PTPRD: variants seen among roughly 807,000 people sequenced by gnomAD.
The protein encoded by PTPRD is protein tyrosine phosphatase receptor type D.
PTPRD carries 34 observed loss-of-function variants against 214.5 expected under a neutral mutation model. The ratio of observed to expected loss-of-function variants is 0.16; its 90% CI spans 0.12 to 0.21. PTPRD has a LOEUF of 0.21. PTPRD is among the 10% of genes least tolerant of loss of function. PTPRD has a pLI of 1.00. For synonymous variants in PTPRD, 1,128 were observed against 845.7 expected (o/e 1.33, Z -5.79); for missense variants, 2,545 against 2,398.7 (o/e 1.06, Z -1.27).
intron 7 of PTPRD, among the ~76,000 whole-genome samples, chr9:9,620,395 A>T (rs554247819): frequency 6.6e-6 from 1 of 152,288 alleles, no homozygotes; most frequent in Non-Finnish European, 1.5e-5. Flanking sequence ...AACCATATTT[A>T]TCCTCAGCTG....
intron 2 of PTPRD, among the ~76,000 whole-genome samples, chr9:10,440,975 T>A (rs1005457967): frequency 2.6e-5 from 4 of 151,732 alleles, no homozygotes; most frequent in Non-Finnish European, 4.4e-5. Context: ...ATCAAAATCA[T>A]TTTTTACTCT....
intron 3 of PTPRD, among the ~76,000 whole-genome samples, chr9:10,160,044 G>A (rs1403526664): frequency 2.0e-5 from 3 of 151,960 alleles, no homozygotes; most frequent in Non-Finnish European, 2.9e-5. Context: ...GTCATAGAGT[G>A]GCTGAATGGA....
intron 9 of PTPRD, among the ~76,000 whole-genome samples, chr9:9,274,363 C>T (rs1195941960): frequency 2.0e-5 from 3 of 151,384 alleles, no homozygotes; most frequent in African/African-American, 7.3e-5. Flanking sequence ...TTTCTCCACC[C>T]ACAACTTTAA....
intron 14 of PTPRD, among the ~76,000 whole-genome samples, chr9:8,546,417 C>T (rs543617145): frequency 2.6e-5 from 4 of 152,300 alleles, no homozygotes; most frequent in African/African-American, 9.6e-5. Context: ...TACTATTTGA[C>T]TATATCCTCG....
chr9:10,124,340 T>C (rs958308881), intron 3 of PTPRD, among the ~76,000 whole-genome samples: 7 of 152,236 alleles, frequency 4.6e-5, no homozygotes, highest in African/African-American at 1.7e-4. Context: ...ATTAATACTT[T>C]GTGCCACCAA....
chr9:9,560,873 C>A (rs2082745684), intron 8 of PTPRD, among the ~76,000 whole-genome samples: 1 of 152,154 alleles, frequency 6.6e-6, no homozygotes. Flanking sequence ...GCAGCAGGTT[C>A]TCCCTTGCCT....
chr9:8,374,604 G>T (rs1001245364), intron 39 of PTPRD, among the ~76,000 whole-genome samples: 1 of 151,940 alleles, frequency 6.6e-6, no homozygotes, highest in Non-Finnish European at 1.5e-5. Flanking sequence ...AGTACTTGAA[G>T]CAAACTTTGT....
intron 3 of PTPRD, among the ~76,000 whole-genome samples, chr9:10,061,411 A>C (rs540609742): frequency 9.2e-5 from 14 of 152,102 alleles, no homozygotes; most frequent in Admixed American, 9.2e-4. Flanking sequence ...CTTAGCATTT[A>C]TACTGTTCTT....
chr9:10,449,561 T>C (rs2098824370), intron 2 of PTPRD, among the ~76,000 whole-genome samples: 1 of 151,212 alleles, frequency 6.6e-6, no homozygotes, highest in African/African-American at 2.5e-5. Context: ...GAGGAGCGTC[T>C]CTGCCCGGCC....
intron 8 of PTPRD, among the ~76,000 whole-genome samples, chr9:9,438,374 C>T (rs146901982): frequency 1.1e-3 from 163 of 152,180 alleles, no homozygotes; most frequent in African/African-American, 3.5e-3. Flanking sequence ...TTCTGTGGAA[C>T]TGAGAAATAA....
intron 9 of PTPRD, among the ~76,000 whole-genome samples, chr9:9,196,026 TC>T (rs755542036): frequency 2.4e-4 from 37 of 152,292 alleles, no homozygotes; most frequent in Admixed American, 9.2e-4. Flanking sequence ...AGGATAGTCC[TC>T]TGGACATAAA....
intron 3 of PTPRD, among the ~76,000 whole-genome samples, chr9:10,179,949 TA>T (rs2154305464): frequency 6.6e-6 from 1 of 152,130 alleles, no homozygotes; most frequent in South Asian, 2.1e-4. Flanking sequence ...AAGGAAGTCT[TA>T]AAAAGGGAAA....
chr9:9,349,181 T>C (rs946421747), intron 9 of PTPRD, among the ~76,000 whole-genome samples: 6 of 152,088 alleles, frequency 3.9e-5, no homozygotes, highest in African/African-American at 1.4e-4. Flanking sequence ...CTTCTCTGCT[T>C]ACATATTTCA....
In PTPRD at chr9:9,493,331, T is replaced by TCTTTC. The variant is rs772375019; in HGVS notation, c.-237+81396_-237+81400dup. Among the ~76,000 whole-genome samples the TCTTTC allele has an allele frequency of 2.8e-4, 42 of 152,254 alleles. 1 individual carries two copies. Among genetic ancestry groups the TCTTTC allele is most frequent in the Middle Eastern group, 3.4e-3 (1 of 294 alleles). On this transcript the variant is annotated intron_variant, in intron 8 of 45. Transcript: ENST00000381196. Reference sequence around the variant, plus strand: ...GAACTTCTGCTCAGATAAAAAGATTTCTTTCCAAATATTCTGTTAATTCAC... The same window carrying TCTTTC: ...GAACTTCTGCTCAGATAAAAAGATTTCTTTCCTTTCCAAATATTCTGTTAATTCAC...
intron 3 of PTPRD, among the ~76,000 whole-genome samples, chr9:10,101,851 A>T (rs1346670439): frequency 2.0e-5 from 3 of 151,686 alleles, no homozygotes; most frequent in Non-Finnish European, 4.4e-5. Flanking sequence ...TTGCAAATCC[A>T]TTCTGGGGAC....
intron 2 of PTPRD, among the ~76,000 whole-genome samples, chr9:10,343,382 G>T (rs1476234637): frequency 6.6e-6 from 1 of 152,120 alleles, no homozygotes; most frequent in African/African-American, 2.4e-5. Context: ...TGTCATTGAT[G>T]GACATTCTGG....
In PTPRD at chr9:8,723,521, C is replaced by G. The variant is rs543051061; in HGVS notation, c.64+10259G>C. Among the ~76,000 whole-genome samples the G allele has an allele frequency of 4.6e-5, 7 of 152,264 alleles. No individual in the cohort carries two copies. In the East Asian group the frequency reaches 1.4e-3, roughly 29 times the overall value. On this transcript the variant is annotated intron_variant, in intron 12 of 45. Coordinates refer to ENST00000381196, the MANE Select transcript of PTPRD (RefSeq NM_002839.4). ...AACTAGAATATAAAGTCTGTGGTAACAGGAATCTGGATCTGGCTTATTGGA... is the reference window on the plus strand; with the variant it reads ...AACTAGAATATAAAGTCTGTGGTAAGAGGAATCTGGATCTGGCTTATTGGA...
intron 2 of PTPRD, among the ~76,000 whole-genome samples, chr9:10,585,871 A>G (rs2073733654): frequency 6.6e-6 from 1 of 152,110 alleles, no homozygotes. Context: ...TATTTTACAC[A>G]TTTAAAAACA....
intron 5 of PTPRD, among the ~76,000 whole-genome samples, chr9:9,841,118 T>A (rs1377160140): frequency 6.6e-6 from 1 of 152,210 alleles, no homozygotes; most frequent in Non-Finnish European, 1.5e-5. Context: ...GAGCTGAATA[T>A]ATTTTAAAGG....
Sources: allele counts gnomAD v4.1 joint callset (sites outside exome capture counted in the v4.1 genomes callset), GRCh38; gene constraint gnomAD v4.1.1; transcripts MANE v1.5; gene names NCBI Gene and HGNC (gene_info 2026-07-23, HGNC 2026-07-21).